Variants in LOXHD1 observed in about 807,000 individuals in gnomAD.
LOXHD1 encodes lipoxygenase homology PLAT domains 1, also known as lipoxygenase homology domain-containing protein 1.
In LOXHD1, 205 loss-of-function variants were observed where a neutral mutation model predicts 248.2. The ratio of observed to expected loss-of-function variants is 0.83; its 90% CI spans 0.74 to 0.93. The LOEUF is 0.93. Among genes scored for constraint, LOXHD1 ranks in the 40% least tolerant of loss-of-function variants. LOXHD1 has a pLI of 0.00. For missense variants in LOXHD1, 2,930 were observed against 2,971.6 expected (o/e 0.99, Z 0.33); for synonymous variants, 1,113 against 1,162.8 (o/e 0.96, Z 0.87).
At position 46,591,798 on chromosome 18, in the gene LOXHD1, T is replaced by C. The variant is rs1055715269; in HGVS notation, c.1654+135A>G. Reference sequence around the variant, plus strand: ...CAAGCCAGTCTTGAGGCAGGGACCTTCCAAATCCACTCTGGCACTCTAAGG... The same window carrying C: ...CAAGCCAGTCTTGAGGCAGGGACCTCCCAAATCCACTCTGGCACTCTAAGG... On this transcript the variant is annotated intron_variant, in intron 12 of 40. Transcript: ENST00000642948. 16 of 1,136,274 alleles carry C rather than the reference T, an allele frequency of 1.4e-5. No homozygotes were observed. The Admixed American group carries it at 3.0e-4, about 21-fold the overall frequency. 70.4% of individuals were successfully genotyped at this position (1,136,274 alleles called of 1,614,324 possible). A position where few individuals can be genotyped will look rare whatever the true frequency, so the allele number is the denominator to read the frequency against.
At chr18:46,601,633 G>C (rs674948) in intron 7 of LOXHD1, 166 bp from the exon 8 acceptor site, 24 of 880,656 alleles carry the variant, frequency 2.7e-5, no homozygotes, top group Non-Finnish European at 3.8e-5. Context: ...TGTCCCTCTC[G>C]ACCTCATTTC....
At chr18:46,626,342 A>G (rs2038741880) in intron 4 of LOXHD1, among the ~76,000 whole-genome samples, 1 of 152,178 alleles carries the variant, frequency 6.6e-6, no homozygotes, top group African/African-American at 2.4e-5. Flanking sequence ...GTTTGAAATC[A>G]GCCCAGCCAA....
intron 23 of LOXHD1, chr18:46,544,881 G>A (rs780724149): frequency 2.1e-6 from 1 of 472,522 alleles, no homozygotes; most frequent in Non-Finnish European, 4.4e-6. Context: ...CTACTTGAGG[G>A]ACTGACTGAC....
chr18:46,615,755 T>G lies in LOXHD1; in HGVS notation c.610+2437A>C, dbSNP rs368398098. Among the ~76,000 whole-genome samples the G allele has an allele frequency of 8.5e-5, 13 of 152,348 alleles. No homozygotes were observed. In the East Asian group the frequency reaches 2.1e-3, roughly 25 times the overall value. On this transcript the variant is annotated intron_variant, in intron 5 of 40. Transcript: ENST00000642948. Reference sequence around the variant, plus strand: ...CTTTTCCACTCATACTAAATTTGTATGCATTTGGCCTATCCATTATTGAGA... The same window carrying G: ...CTTTTCCACTCATACTAAATTTGTAGGCATTTGGCCTATCCATTATTGAGA...
In LOXHD1 at chr18:46,483,699, T is replaced by A. The variant is rs563899816; in HGVS notation, c.6229A>T (p.Ile2077Phe). The part of the protein sequence containing the change: ...FEFDSIYLGD[I>F]ASLCVGHLAR... ...AGGTGGCCCACACAGAGGGAGGCAA[T>A]GTCCCCCAAGTAGATGCTGTCAAAC... The change falls in exon 40 of 41, where the codon ATT becomes TTT. Residue 2077 changes from isoleucine (I) to phenylalanine (F), a missense_variant. By Grantham distance (21) the Ile-to-Phe change is conservative. Transcript: ENST00000642948. 6.1e-5 allele frequency: 95 copies of A among 1,551,574 alleles called. No individual in the cohort carries two copies. The highest frequency in any genetic ancestry group is 7.8e-5 in the Non-Finnish European group (89 of 1,147,000).
intron 21 of LOXHD1, chr18:46,555,451 A>G (rs1598991846): frequency 6.0e-6 from 1 of 165,546 alleles, no homozygotes; most frequent in Non-Finnish European, 1.1e-5. Context: ...GCTGTCTGTG[A>G]GCTGTGGTTC....
chr18:46,487,996 T>C (rs1455613841), intron 38 of LOXHD1, among the ~76,000 whole-genome samples: 1 of 152,204 alleles, frequency 6.6e-6, no homozygotes, highest in Non-Finnish European at 1.5e-5. Context: ...GGAGGGATGC[T>C]TCAATAACAT....
chr18:46,644,438 G>T (rs1225532207), intron 2 of LOXHD1, among the ~76,000 whole-genome samples: 1 of 152,182 alleles, frequency 6.6e-6, no homozygotes, highest in East Asian at 1.9e-4. Context: ...TAAGAATGTG[G>T]CAGATGTGAT....
At chr18:46,499,620 A>G (rs1347094403) in intron 37 of LOXHD1, among the ~76,000 whole-genome samples, 1 of 152,138 alleles carries the variant, frequency 6.6e-6, no homozygotes, top group Admixed American at 6.5e-5. Flanking sequence ...GAGCAGAGAG[A>G]GTGAGGCTAG....
At chr18:46,525,893 G>A (rs2035805867) in intron 29 of LOXHD1, among the ~76,000 whole-genome samples, 1 of 152,208 alleles carries the variant, frequency 6.6e-6, no homozygotes, top group African/African-American at 2.4e-5. Flanking sequence ...GGTAATTCCA[G>A]CTCAGGTGGT....
Position 46,566,274 on chromosome 18 carries a change from A to T in LOXHD1, c.2420T>A (p.Val807Glu), listed in dbSNP as rs1410234053. The change falls in exon 17 of 41, where the codon GTG (valine) becomes GAG (glutamate). Residue 807 changes from valine to glutamate, a missense_variant. Transcript: ENST00000642948. ...CTCCATACATTTCTGGATCTCCACC[A>T]CCTCGCTGGGATACAGCTCCACCTC... ...RLEVELYPSE[V>E]VEIQKLVHYE... 6.5e-7 allele frequency: 1 copy of T among 1,549,712 alleles called. No individual in the cohort carries two copies. The highest frequency in any genetic ancestry group is 8.7e-7 in the Non-Finnish European group (1 of 1,145,476).
intron 37 of LOXHD1, among the ~76,000 whole-genome samples, chr18:46,495,761 A>G (rs2033823681): frequency 6.6e-6 from 1 of 152,256 alleles, no homozygotes; most frequent in Non-Finnish European, 1.5e-5. Context: ...AAATTGAACA[A>G]TACAAATAAA....
intron 2 of LOXHD1, among the ~76,000 whole-genome samples, chr18:46,643,798 G>A (rs1008660768): frequency 1.3e-5 from 2 of 152,192 alleles, no homozygotes; most frequent in South Asian, 2.1e-4. Flanking sequence ...GTCACCCTGG[G>A]AAGCTATATA....
intron 36 of LOXHD1, among the ~76,000 whole-genome samples, chr18:46,507,059 C>A (rs1198590372): frequency 6.6e-6 from 1 of 152,208 alleles, no homozygotes; most frequent in Non-Finnish European, 1.5e-5. Context: ...GCATTGCATC[C>A]ATCGGAGCGT....
chr18:46,561,683 T>G (rs2037532721), intron 18 of LOXHD1, among the ~76,000 whole-genome samples: 1 of 152,186 alleles, frequency 6.6e-6, no homozygotes. Flanking sequence ...TGACCCCCTG[T>G]TCATGAGTCC....
At position 46,538,340 on chromosome 18, in the gene LOXHD1, G is replaced by A. The variant is rs2036407024; in HGVS notation, c.3914-3C>T. 6.5e-7 allele frequency: 1 copy of A among 1,543,996 alleles called. No individual in the cohort carries two copies. Among genetic ancestry groups the A allele is most frequent in the Non-Finnish European group, 8.8e-7 (1 of 1,140,440 alleles). On this transcript the variant is annotated splice_polypyrimidine_tract_variant and splice_region_variant and intron_variant, in intron 25 of 40. Coordinates refer to ENST00000642948, the MANE Select transcript of LOXHD1 (RefSeq NM_001384474.1). Reference sequence around the variant, plus strand: ...GAGGGTGATCTCGTAAGGAACAACTGAGGGTGGTGGTCAGAGGGCAAAGCC... The same window carrying A: ...GAGGGTGATCTCGTAAGGAACAACTAAGGGTGGTGGTCAGAGGGCAAAGCC...
At chr18:46,574,416 CA>C (rs1568195057) in intron 14 of LOXHD1, among the ~76,000 whole-genome samples, 14 of 151,186 alleles carry the variant, frequency 9.3e-5, no homozygotes, top group African/African-American at 3.4e-4. Context: ...CACACACACA[CA>C]CACCTGATCC....
intron 6 of LOXHD1, among the ~76,000 whole-genome samples, chr18:46,605,400 A>T (rs1365250437): frequency 8.6e-6 from 1 of 116,816 alleles, no homozygotes; most frequent in South Asian, 2.7e-4. Flanking sequence ...GGTGGCGGGC[A>T]CCTATAGTCT....
chr18:46,523,205 C>T lies in LOXHD1; in HGVS notation c.4877-896G>A, dbSNP rs550094547. On this transcript the variant is annotated intron_variant, in intron 31 of 40. Coordinates refer to ENST00000642948, the MANE Select transcript of LOXHD1 (RefSeq NM_001384474.1). ...CAGGTGATCTGCCCACCTTGGCCTC[C>T]CAAAGTGCTGGGATTACAGGCATAA... is the stretch of plus-strand genomic sequence containing the variant. 2.3e-4 allele frequency among the ~76,000 whole-genome samples: 35 copies of T among 152,278 alleles called. 1 individual carries two copies. In the South Asian group the frequency reaches 7.0e-3, roughly 31 times the overall value.
Sources: allele counts gnomAD v4.1 joint callset (sites outside exome capture counted in the v4.1 genomes callset), GRCh38; gene constraint gnomAD v4.1.1; transcripts MANE v1.5; gene names NCBI Gene and HGNC (gene_info 2026-07-23, HGNC 2026-07-21).